PIK3C2G: variants seen among roughly 807,000 people sequenced by gnomAD.
The protein encoded by PIK3C2G is phosphatidylinositol-4-phosphate 3-kinase catalytic subunit type 2 gamma.
In PIK3C2G, 168 loss-of-function variants were observed where a neutral mutation model predicts 181.1. That is an observed-to-expected ratio of 0.93 (90% CI 0.82 to 1.05). The LOEUF (loss-of-function observed/expected upper bound fraction) is 1.05, where lower values mean the gene tolerates loss of function less well. PIK3C2G is among the 50% of genes least tolerant of loss of function. The probability of loss-of-function intolerance (pLI) is 0.00; values close to 1 mark genes in which losing one functional copy is unlikely to be tolerated. For synonymous variants in PIK3C2G, 573 were observed against 592.2 expected, an observed-to-expected ratio of 0.97 and a Z score of 0.47; for missense variants, 1,869 against 1,732.8, an observed-to-expected ratio of 1.08 and a Z score of -1.40.
At chr12:18,395,147 T>C (rs969129069) in intron 15 of PIK3C2G, among the ~76,000 whole-genome samples, 3 of 149,236 alleles carry the variant, frequency 2.0e-5, no homozygotes, top group African/African-American at 4.9e-5. Flanking sequence ...TCTCTCTCTC[T>C]CACACACACG....
chr12:18,661,816 C>T, the PIK3C2G span, among the ~76,000 whole-genome samples: 4 of 152,026 alleles, frequency 2.6e-5, no homozygotes, highest in East Asian at 7.7e-4. Flanking sequence ...ATAAATTGTT[C>T]TACCGTTGTA....
chr12:18,557,753 C>T (rs1251353333), intron 26 of PIK3C2G, among the ~76,000 whole-genome samples: 1 of 152,092 alleles, frequency 6.6e-6, no homozygotes, highest in East Asian at 1.9e-4. Context: ...TAAAGATCTA[C>T]TCATATATTA....
intron 31 of PIK3C2G, among the ~76,000 whole-genome samples, chr12:18,637,045 T>C (rs1427112914): frequency 2.0e-5 from 3 of 152,178 alleles, no homozygotes; most frequent in Non-Finnish European, 4.4e-5. Flanking sequence ...TCAAATTCTA[T>C]TGATCACCTG....
chr12:18,641,832 C>T (rs903278148), intron 32 of PIK3C2G, among the ~76,000 whole-genome samples: 2 of 149,994 alleles, frequency 1.3e-5, no homozygotes, highest in Non-Finnish European at 2.9e-5. Context: ...TCACCACAAC[C>T]TCCACCTCCC....
chr12:18,441,795 T>C (rs1946759687), intron 18 of PIK3C2G, among the ~76,000 whole-genome samples: 1 of 152,030 alleles, frequency 6.6e-6, no homozygotes, highest in African/African-American at 2.4e-5. Context: ...AAAAACAAGA[T>C]AAAAGTAGGG....
downstream of PIK3C2G, among the ~76,000 whole-genome samples, chr12:18,653,014 C>T (rs1950584675): frequency 6.6e-6 from 1 of 151,934 alleles, no homozygotes; most frequent in South Asian, 2.1e-4. Flanking sequence ...ACACAGTCAC[C>T]CCCTCAAACC....
intron 24 of PIK3C2G, among the ~76,000 whole-genome samples, chr12:18,520,435 A>G (rs765167349): frequency 6.0e-5 from 9 of 151,134 alleles, no homozygotes; most frequent in Middle Eastern, 3.2e-3. Context: ...CTTTTTCTCT[A>G]ATCTCGTCTG....
At position 18,282,348 on chromosome 12, in the gene PIK3C2G, C is replaced by A; in HGVS notation, c.267C>A (p.Phe89Leu). The A allele has an allele frequency of 6.2e-7, 1 of 1,613,680 alleles. No homozygotes were observed. The highest frequency in any genetic ancestry group is 1.7e-5 in the Admixed American group (1 of 59,986). The change falls in exon 2 of 33, where the codon TTC becomes TTA. Residue 89 changes from phenylalanine to leucine, a missense_variant. By Grantham distance (22) the Phe-to-Leu change is conservative. Coordinates refer to ENST00000538779, the MANE Select transcript of PIK3C2G (RefSeq NM_001288772.2). The part of the protein sequence containing the change: ...NEAHQISLNE[F>L]TSKSRELSWH... Reference sequence around the variant, plus strand: ...CACACCAAATATCCTTGAATGAATTCACTTCTAAAAGCCGTGAACTCTCCT... The same window carrying A: ...CACACCAAATATCCTTGAATGAATTAACTTCTAAAAGCCGTGAACTCTCCT...
At chr12:18,253,633 A>G (rs1000370209) in intron 1 of PIK3C2G, among the ~76,000 whole-genome samples, 3 of 152,198 alleles carry the variant, frequency 2.0e-5, no homozygotes, top group Non-Finnish European at 4.4e-5. Context: ...AAATAGGCAT[A>G]AAGGAAACCA....
chr12:18,726,467 A>G, the PIK3C2G span, among the ~76,000 whole-genome samples: 5 of 152,160 alleles, frequency 3.3e-5, no homozygotes, highest in Admixed American at 6.6e-5. Context: ...TAGACATTTT[A>G]TTCTTTTTAT....
At chr12:18,335,060 C>T (rs552103752) in intron 8 of PIK3C2G, among the ~76,000 whole-genome samples, 4 of 152,164 alleles carry the variant, frequency 2.6e-5, no homozygotes, top group Admixed American at 1.3e-4. Context: ...GGTTCAGTTC[C>T]TCACATAATC....
At chr12:18,514,570 A>T (rs1942415732) in intron 24 of PIK3C2G, among the ~76,000 whole-genome samples, 1 of 151,852 alleles carries the variant, frequency 6.6e-6, no homozygotes, top group Non-Finnish European at 1.5e-5. Flanking sequence ...TAGAATTGCT[A>T]CTAATCTTGT....
In PIK3C2G at chr12:18,371,251, C is replaced by A; in HGVS notation, c.1820C>A (p.Ala607Asp). ...CTCACTGTAAAACTGTTTGGGATTG[C>A]CTGTGCAACCAACAATGCAAATTTA... ...SMLTVKLFGI[A>D]CATNNANLLA... The change falls in exon 13 of 33, where the codon GCC becomes GAC. Residue 607 changes from alanine (A) to aspartate (D), a missense_variant. Coordinates refer to ENST00000538779, the MANE Select transcript of PIK3C2G (RefSeq NM_001288772.2). The A allele has an allele frequency of 6.2e-7, 1 of 1,612,086 alleles. No homozygotes were observed. Among genetic ancestry groups the A allele is most frequent in the Non-Finnish European group, 8.5e-7 (1 of 1,178,790 alleles).
chr12:18,500,378 C>T (rs1389256841), intron 22 of PIK3C2G, among the ~76,000 whole-genome samples: 2 of 152,322 alleles, frequency 1.3e-5, no homozygotes, highest in Admixed American at 6.5e-5. Context: ...TAGCTGCCTT[C>T]CCGCGGGGCA....
chr12:18,726,584 G>A, the PIK3C2G span, among the ~76,000 whole-genome samples: 2 of 152,090 alleles, frequency 1.3e-5, no homozygotes, highest in Non-Finnish European at 2.9e-5. Flanking sequence ...TAATTCTATT[G>A]ATTGTCATTC....
intron 12 of PIK3C2G, among the ~76,000 whole-genome samples, chr12:18,370,278 T>G (rs1941953939): frequency 6.6e-6 from 1 of 152,142 alleles, no homozygotes; most frequent in Non-Finnish European, 1.5e-5. Flanking sequence ...TTCTGGACAC[T>G]TCCTTACATA....
intron 8 of PIK3C2G, among the ~76,000 whole-genome samples, chr12:18,330,875 C>T (rs1407375429): frequency 1.3e-5 from 2 of 152,262 alleles, no homozygotes; most frequent in South Asian, 2.1e-4. Context: ...ATTTCACTTA[C>T]GTGCCATTCA....
intron 31 of PIK3C2G, among the ~76,000 whole-genome samples, chr12:18,614,040 T>A (rs1395733424): frequency 2.0e-5 from 3 of 152,118 alleles, no homozygotes; most frequent in Non-Finnish European, 2.9e-5. Flanking sequence ...TTTGTTGTTT[T>A]TTAAAATCTA....
At chr12:18,326,961 T>C (rs1036651601) in intron 8 of PIK3C2G, among the ~76,000 whole-genome samples, 1 of 152,112 alleles carries the variant, frequency 6.6e-6, no homozygotes, top group Non-Finnish European at 1.5e-5. Flanking sequence ...AGTTCTTAAT[T>C]TCCAAATTCA....
Sources: gnomAD v4.1 joint callset for allele counts (sites outside exome capture counted in the v4.1 genomes callset) on GRCh38, gnomAD v4.1.1 for gene constraint, MANE v1.5 for transcripts, NCBI Gene and HGNC (gene_info 2026-07-23, HGNC 2026-07-21) for gene names.